RAB2A: variants seen among roughly 807,000 people sequenced by gnomAD.
RAB2A encodes the protein RAB2A, member RAS oncogene family, also known as ras-related protein Rab-2A.
RAB2A carries 7 observed loss-of-function variants against 32.5 expected under a neutral mutation model. The observed-to-expected ratio is 0.22, with a 90% CI of 0.12 to 0.40. RAB2A has a LOEUF of 0.40. Among genes scored for constraint, RAB2A ranks in the 10% least tolerant of loss-of-function variants. The pLI is 1.00. For synonymous variants in RAB2A, 79 were observed against 85.2 expected, an observed-to-expected ratio of 0.93 and a Z score of 0.40; for missense variants, 108 against 260.7, an observed-to-expected ratio of 0.41 and a Z score of 4.03.
chr8:60,614,495 T>A (rs1804415940), intron 6 of RAB2A, among the ~76,000 whole-genome samples: 1 of 152,068 alleles, frequency 6.6e-6, no homozygotes, highest in African/African-American at 2.4e-5. Context: ...CAAGCAGTCT[T>A]CCTGCCTACG....
chr8:60,549,396 G>A (rs561875615), intron 1 of RAB2A, among the ~76,000 whole-genome samples: 13 of 152,296 alleles, frequency 8.5e-5, no homozygotes, highest in African/African-American at 3.1e-4. Context: ...CCAGCACCTC[G>A]GGAGGCCGAG....
At chr8:60,571,539 G>A (rs962081201) in intron 2 of RAB2A, among the ~76,000 whole-genome samples, 1 of 152,178 alleles carries the variant, frequency 6.6e-6, no homozygotes, top group African/African-American at 2.4e-5. Flanking sequence ...GTGTATTCAT[G>A]GAGCACTGTC....
At chr8:60,544,873 G>T (rs1038386523) in intron 1 of RAB2A, among the ~76,000 whole-genome samples, 1 of 151,820 alleles carries the variant, frequency 6.6e-6, no homozygotes, top group African/African-American at 2.4e-5. Flanking sequence ...CATGTTTCAC[G>T]GTTTTTCAGT....
chr8:60,533,672 TATAAG>T (rs979366429), intron 1 of RAB2A, among the ~76,000 whole-genome samples: 91 of 152,242 alleles, frequency 6.0e-4, no homozygotes, highest in African/African-American at 2.0e-3. Context: ...CCTAAAGAAA[TATAAG>T]ATACTATTGT....
chr8:60,594,753 A>T (rs1803996843), intron 6 of RAB2A, among the ~76,000 whole-genome samples: 1 of 152,038 alleles, frequency 6.6e-6, no homozygotes, highest in Non-Finnish European at 1.5e-5. Context: ...TGTCCTTGTG[A>T]TAGTTTGCTG....
chr8:60,519,884 A>C (rs1185564985), intron 1 of RAB2A, among the ~76,000 whole-genome samples: 1 of 152,124 alleles, frequency 6.6e-6, no homozygotes, highest in African/African-American at 2.4e-5. Flanking sequence ...TTGCTTACTA[A>C]TTTGGGCAAA....
At chr8:60,520,325 GAATC>G (rs1433162367) in intron 1 of RAB2A, among the ~76,000 whole-genome samples, 3 of 152,130 alleles carry the variant, frequency 2.0e-5, no homozygotes, top group Non-Finnish European at 4.4e-5. Context: ...TCTTGTTTCT[GAATC>G]ATTTAGTAAA....
At chr8:60,598,141 T>C (rs1473517739) in intron 6 of RAB2A, among the ~76,000 whole-genome samples, 2 of 152,104 alleles carry the variant, frequency 1.3e-5, no homozygotes, top group Non-Finnish European at 2.9e-5. Flanking sequence ...GAGGTTGCAG[T>C]GAGCCGAGAG....
intron 1 of RAB2A, among the ~76,000 whole-genome samples, chr8:60,531,987 T>C (rs1284193546): frequency 2.0e-5 from 3 of 152,202 alleles, no homozygotes; most frequent in African/African-American, 2.4e-5. Context: ...GTATTTTTAG[T>C]AGAGACAGGG....
At chr8:60,599,988 T>G (rs868461098) in intron 6 of RAB2A, among the ~76,000 whole-genome samples, 38 of 151,950 alleles carry the variant, frequency 2.5e-4, no homozygotes, top group Middle Eastern at 6.8e-3. Flanking sequence ...AGAAAATATT[T>G]ACATACCAGG....
At chr8:60,525,205 G>A (rs1478984307) in intron 1 of RAB2A, among the ~76,000 whole-genome samples, 1 of 152,174 alleles carries the variant, frequency 6.6e-6, no homozygotes, top group African/African-American at 2.4e-5. Context: ...CATGGAAGGT[G>A]ATTGGATCAT....
chr8:60,586,508 A>G (rs868245584), intron 5 of RAB2A, among the ~76,000 whole-genome samples: 5 of 152,150 alleles, frequency 3.3e-5, no homozygotes, highest in Non-Finnish European at 7.4e-5. Context: ...GGTTGACATC[A>G]CTATAGATAA....
chr8:60,611,163 C>T (rs1186877317), intron 6 of RAB2A, among the ~76,000 whole-genome samples: 1 of 152,198 alleles, frequency 6.6e-6, no homozygotes, highest in Admixed American at 6.5e-5. Flanking sequence ...GGTCATTGCT[C>T]TGGACTCCTC....
intron 1 of RAB2A, among the ~76,000 whole-genome samples, chr8:60,538,537 C>G (rs999194905): frequency 6.6e-6 from 1 of 152,184 alleles, no homozygotes; most frequent in African/African-American, 2.4e-5. Context: ...TAAGGCTATG[C>G]AGAGCATGGA....
intron 1 of RAB2A, among the ~76,000 whole-genome samples, chr8:60,543,256 A>G (rs1807674348): frequency 5.9e-5 from 9 of 152,192 alleles, no homozygotes; most frequent in Admixed American, 5.9e-4. Context: ...CAGAAGCCTG[A>G]TATTAGGTGT....
chr8:60,593,859 GCAAA>G (rs1383895104), intron 6 of RAB2A, among the ~76,000 whole-genome samples: 1 of 151,322 alleles, frequency 6.6e-6, no homozygotes, highest in East Asian at 1.9e-4. Context: ...AAGAGTCTTA[GCAAA>G]CAAACAATCT....
rs1294598865 is a variant in RAB2A, at chr8:60,547,223, C to T, written c.47-11629C>T. On this transcript the variant is annotated intron_variant, in intron 1 of 7. Coordinates refer to ENST00000262646, the MANE Select transcript of RAB2A (RefSeq NM_002865.3). ...AACACAGGGTTGGGGGTAAGGTCAC[C>T]GATCAACAGGATCCCAAGGCAGAAG... 7.9e-5 allele frequency among the ~76,000 whole-genome samples: 12 copies of T among 152,228 alleles called. No homozygotes were observed. The South Asian group carries it at 1.2e-3, about 16-fold the overall frequency.
intron 1 of RAB2A, 95 bp downstream of exon 1, chr8:60,517,348 C>G (rs577932271): frequency 2.2e-4 from 251 of 1,160,758 alleles, no homozygotes; most frequent in Non-Finnish European, 2.7e-4. Flanking sequence ...ACGCGGACTC[C>G]ACCCGGCGCC....
intron 2 of RAB2A, among the ~76,000 whole-genome samples, chr8:60,568,795 T>G (rs964093365): frequency 1.3e-5 from 2 of 152,164 alleles, no homozygotes; most frequent in South Asian, 2.1e-4. Context: ...CCACAGAAAT[T>G]TATCTAGCAG....
Sources: gnomAD v4.1 joint callset for allele counts (sites outside exome capture counted in the v4.1 genomes callset) on GRCh38, gnomAD v4.1.1 for gene constraint, MANE v1.5 for transcripts, NCBI Gene and HGNC (gene_info 2026-07-23, HGNC 2026-07-21) for gene names.